The following MAP2K5 variants were observed in gnomAD, a reference collection of about 807,000 sequenced individuals.
MAP2K5 encodes the protein dual specificity mitogen-activated protein kinase kinase 5.
MAP2K5 carries 49 observed loss-of-function variants against 83.1 expected under a neutral mutation model. The ratio of observed to expected loss-of-function variants is 0.59; its 90% CI spans 0.47 to 0.75. The LOEUF (loss-of-function observed/expected upper bound fraction) is 0.75. Among genes scored for constraint, MAP2K5 ranks in the 30% least tolerant of loss-of-function variants. MAP2K5 has a pLI of 0.00. For missense variants in MAP2K5, 457 were observed against 557.5 expected, an observed-to-expected ratio of 0.82 and a Z score of 1.82; for synonymous variants, 202 against 191.8, an observed-to-expected ratio of 1.05 and a Z score of -0.44.
chr15:67,667,955 A>G (rs1226309646), intron 13 of MAP2K5, among the ~76,000 whole-genome samples: 1 of 152,188 alleles, frequency 6.6e-6, no homozygotes, highest in East Asian at 1.9e-4. Context: ...AAGCAGCGGC[A>G]AACCACTCAT....
chr15:67,784,951 T>C (rs2090392041), intron 21 of MAP2K5, among the ~76,000 whole-genome samples: 1 of 152,186 alleles, frequency 6.6e-6, no homozygotes, highest in Non-Finnish European at 1.5e-5. Context: ...TTTGTTGTTT[T>C]TTCCCTGAGA....
At position 67,588,192 on chromosome 15, in the gene MAP2K5, C is replaced by T. The variant is rs147865068; in HGVS notation, c.431+1279C>T. On this transcript the variant is annotated intron_variant, in intron 6 of 21. Coordinates refer to ENST00000178640, the MANE Select transcript of MAP2K5 (RefSeq NM_145160.3). ...CTGTGTACTCCAGCTTGCTGGCCCA[C>T]CTCTGTACCCCATCCCACCTGACAT... 2.9e-3 allele frequency: 1,844 copies of T among 626,780 alleles called. 45 individuals are homozygous for T. The Admixed American group carries it at 0.063, about 21-fold the overall frequency. 38.8% of individuals were successfully genotyped at this position (626,780 alleles called of 1,614,324 possible). A position where few individuals can be genotyped will look rare whatever the true frequency, so the allele number is the denominator to read the frequency against.
intron 9 of MAP2K5, among the ~76,000 whole-genome samples, chr15:67,631,732 A>G (rs1464726439): frequency 6.6e-6 from 1 of 152,174 alleles, no homozygotes; most frequent in African/African-American, 2.4e-5. Context: ...GCCACTTTGG[A>G]TTTAATCTCT....
intron 16 of MAP2K5, among the ~76,000 whole-genome samples, chr15:67,712,400 G>C (rs1489157441): frequency 6.6e-6 from 1 of 152,166 alleles, no homozygotes; most frequent in African/African-American, 2.4e-5. Flanking sequence ...CTCTTACAGA[G>C]ACATTTGAGA....
intron 17 of MAP2K5, among the ~76,000 whole-genome samples, chr15:67,730,995 G>A (rs2089207027): frequency 6.6e-6 from 1 of 152,206 alleles, no homozygotes; most frequent in South Asian, 2.1e-4. Context: ...AAGGAGGTAT[G>A]CTGATCAAAT....
intron 11 of MAP2K5, among the ~76,000 whole-genome samples, chr15:67,648,123 G>T (rs1409759170): frequency 6.6e-6 from 1 of 152,110 alleles, no homozygotes; most frequent in African/African-American, 2.4e-5. Context: ...CAATTCCATG[G>T]TTTTTGATAT....
intron 16 of MAP2K5, among the ~76,000 whole-genome samples, 178 bp downstream of exon 16, chr15:67,703,586 GTTA>G (rs1336632864): frequency 3.3e-5 from 5 of 152,174 alleles, no homozygotes; most frequent in Non-Finnish European, 5.9e-5. Context: ...GACTCTGGAG[GTTA>G]TTTTAAAGCA....
intron 8 of MAP2K5, among the ~76,000 whole-genome samples, chr15:67,618,216 C>T (rs2086098569): frequency 6.6e-6 from 1 of 152,174 alleles, no homozygotes; most frequent in Admixed American, 6.5e-5. Flanking sequence ...GTTTTCTGAA[C>T]ACTTTGTGCA....
chr15:67,774,166 T>C lies in MAP2K5; in HGVS notation c.1242+1414T>C. On this transcript the variant is annotated intron_variant, in intron 21 of 21. Transcript: ENST00000178640. The surrounding 1 kb of genome is among the most constrained non-coding windows in gnomAD (Gnocchi z 4.9). ...GCCTTGAAAGCAAGTGATGTGTGTG[T>C]ATGTGTGTGTGTGTGTGTGTGTGTG... Among the ~76,000 whole-genome samples, 1 of 40,768 alleles carries C rather than the reference T, an allele frequency of 2.5e-5. No homozygotes were observed. Among genetic ancestry groups the C allele is most frequent in the East Asian group, 7.4e-4 (1 of 1,348 alleles). The allele number at this position is 40,768 out of a possible 152,430, so 26.7% of individuals were successfully genotyped here. A position where few individuals can be genotyped will look rare whatever the true frequency, so the allele number is the denominator to read the frequency against.
intron 6 of MAP2K5, among the ~76,000 whole-genome samples, chr15:67,590,635 T>A (rs1039730381): frequency 6.6e-6 from 1 of 152,036 alleles, no homozygotes; most frequent in Non-Finnish European, 1.5e-5. Flanking sequence ...TAATTTTTTT[T>A]AGAGATGGGG....
At chr15:67,598,538 G>A (rs551810625) in intron 7 of MAP2K5, among the ~76,000 whole-genome samples, 3 of 152,180 alleles carry the variant, frequency 2.0e-5, no homozygotes, top group Non-Finnish European at 2.9e-5. Context: ...CTCCTTCCCC[G>A]CCTGTGCCCT....
At position 67,638,571 on chromosome 15, in the gene MAP2K5, C is replaced by A. The variant is rs1258526510; in HGVS notation, c.585+7644C>A. 1.3e-5 allele frequency among the ~76,000 whole-genome samples: 2 copies of A among 152,174 alleles called. No individual in the cohort carries two copies. The highest frequency in any genetic ancestry group is 4.8e-5 in the African/African-American group (2 of 41,428). Reference sequence around the variant, plus strand: ...TCTTTATAATAGAATGCTTTATATTCATTTGGGTATATACCCAGTAATGGG... The same window carrying A: ...TCTTTATAATAGAATGCTTTATATTAATTTGGGTATATACCCAGTAATGGG... On this transcript the variant is annotated intron_variant, in intron 9 of 21. Coordinates refer to ENST00000178640, the MANE Select transcript of MAP2K5 (RefSeq NM_145160.3). This position sits in a 1 kb window ranked among gnomAD's most constrained non-coding sequence, Gnocchi z 4.5.
At chr15:67,751,814 G>A (rs772636297) in intron 19 of MAP2K5, among the ~76,000 whole-genome samples, 8 of 152,174 alleles carry the variant, frequency 5.3e-5, no homozygotes, top group Non-Finnish European at 1.2e-4. Context: ...TTCTTTCACT[G>A]AATTTTACCA....
rs990543878 is a variant in MAP2K5 at position 67,665,181 on chromosome 15, A to T, written c.847+536A>T. The stretch of plus-strand genomic sequence containing the variant: ...CAGGCGGGAGCCACCGCGCCTGGCC[A>T]AAAGTAAAACTTTAAATAAGTTATT... On this transcript the variant is annotated intron_variant, in intron 13 of 21. Transcript: ENST00000178640. The surrounding 1 kb of genome is among the most constrained non-coding windows in gnomAD (Gnocchi z 4.2). Among the ~76,000 whole-genome samples the T allele has an allele frequency of 6.6e-6, 1 of 152,188 alleles. No homozygotes were observed. Among genetic ancestry groups the T allele is most frequent in the Non-Finnish European group, 1.5e-5 (1 of 68,026 alleles).
chr15:67,701,229 T>C (rs547984762), intron 15 of MAP2K5, among the ~76,000 whole-genome samples: 26 of 152,330 alleles, frequency 1.7e-4, no homozygotes, highest in African/African-American at 5.8e-4. Flanking sequence ...ATTTTCATGT[T>C]TGTTAGAAGT....
rs576031134 is a variant in MAP2K5 at position 67,717,051 on chromosome 15, G to C, written c.1045-10865G>C. On this transcript the variant is annotated intron_variant, in intron 16 of 21. Coordinates refer to ENST00000178640, the MANE Select transcript of MAP2K5 (RefSeq NM_145160.3). The surrounding 1 kb of genome is among the most constrained non-coding windows in gnomAD (Gnocchi z 4.1). ...CAAGTATTCTGACTCATGGATTCAA[G>C]TCTGCTTCTTCCATTATGCTTTAGG... 3.3e-5 allele frequency among the ~76,000 whole-genome samples: 5 copies of C among 152,296 alleles called. No individual in the cohort carries two copies. The South Asian group carries it at 1.0e-3, about 32-fold the overall frequency.
At position 67,565,615 on chromosome 15, in the gene MAP2K5, T is replaced by C. The variant is rs779640576; in HGVS notation, c.252+2265T>C. Among the ~76,000 whole-genome samples the C allele has an allele frequency of 6.6e-6, 1 of 150,856 alleles. No individual in the cohort carries two copies. The highest frequency in any genetic ancestry group is 1.5e-5 in the Non-Finnish European group (1 of 67,962). On this transcript the variant is annotated intron_variant, in intron 3 of 21. Coordinates refer to ENST00000178640, the MANE Select transcript of MAP2K5 (RefSeq NM_145160.3). The surrounding 1 kb of genome is among the most constrained non-coding windows in gnomAD (Gnocchi z 4.1). ...TGCACCATGTATTCCTTACAGCATATGCTTATTTTCTCAAATTCAGTGTTT... is the reference window on the plus strand; with the variant it reads ...TGCACCATGTATTCCTTACAGCATACGCTTATTTTCTCAAATTCAGTGTTT...
Position 67,764,432 on chromosome 15 carries a change from C to T in MAP2K5, c.1135-5170C>T, listed in dbSNP as rs913394866. Among the ~76,000 whole-genome samples the T allele has an allele frequency of 2.6e-5, 4 of 152,154 alleles. No individual in the cohort carries two copies. Among genetic ancestry groups the T allele is most frequent in the Admixed American group, 1.3e-4 (2 of 15,280 alleles). Reference sequence around the variant, plus strand: ...ACCCTCGTTTGTGAACTCGCGTCTGCCAGCCAAACTGAACCAAAACCTCAG... The same window carrying T: ...ACCCTCGTTTGTGAACTCGCGTCTGTCAGCCAAACTGAACCAAAACCTCAG... On this transcript the variant is annotated intron_variant, in intron 19 of 21. Coordinates refer to ENST00000178640, the MANE Select transcript of MAP2K5 (RefSeq NM_145160.3). This position sits in a 1 kb window ranked among gnomAD's most constrained non-coding sequence, Gnocchi z 4.9.
At chr15:67,554,654 C>T (rs996675351) in intron 2 of MAP2K5, among the ~76,000 whole-genome samples, 2 of 152,192 alleles carry the variant, frequency 1.3e-5, no homozygotes, top group Non-Finnish European at 2.9e-5. Context: ...GGAACCCCTT[C>T]AACCTGCCTT....
Sources: allele counts gnomAD v4.1 joint callset (sites outside exome capture counted in the v4.1 genomes callset), GRCh38; gene constraint gnomAD v4.1.1; non-coding constraint Gnocchi (gnomAD v3.1); transcripts MANE v1.5; gene names NCBI Gene and HGNC (gene_info 2026-07-23, HGNC 2026-07-21).